Variants in MPO observed in about 807,000 individuals in gnomAD.
MPO encodes the protein myeloperoxidase.
In MPO, 57 loss-of-function variants were observed where a neutral mutation model predicts 69.4. The ratio of observed to expected loss-of-function variants is 0.82; its 90% CI spans 0.66 to 1.02. The LOEUF is 1.02. Among genes scored for constraint, MPO ranks in the 50% least tolerant of loss-of-function variants. The pLI, the probability that MPO is intolerant of heterozygous loss-of-function variation, is 0.00. For missense variants in MPO, 971 were observed against 1,014.1 expected, an observed-to-expected ratio of 0.96 and a Z score of 0.58; for synonymous variants, 426 against 417.1, an observed-to-expected ratio of 1.02 and a Z score of -0.26.
rs777313618 is a variant in MPO, at chr17:58,275,527, T to A, written c.1365+15A>T. On this transcript the variant is annotated intron_variant, in intron 8 of 11. Transcript: ENST00000225275. This position sits in a 1 kb window ranked among gnomAD's most constrained non-coding sequence, Gnocchi z 4.1. The stretch of plus-strand genomic sequence containing the variant: ...ACATCTGGATCCCGTGTGCCCGGTG[T>A]TCAAGACGGCCTACCTGGACCATGG... 4 of 1,613,976 alleles carry A rather than the reference T, an allele frequency of 2.5e-6. No homozygotes were observed. The highest frequency in any genetic ancestry group is 2.2e-5 in the South Asian group (2 of 91,094).
In MPO at chr17:58,274,347, AG is replaced by A. The variant is rs1970408588; in HGVS notation, c.1366-679del. On this transcript the variant is annotated intron_variant, in intron 8 of 11. Coordinates refer to ENST00000225275, the MANE Select transcript of MPO (RefSeq NM_000250.2). ...AAAACTCTCTCCTCCAGAATCTAGG[AG>A]TGTGTGTGTGTGTGTGTGTGTGTGT... The A allele has an allele frequency of 5.4e-5, 18 of 334,750 alleles. No homozygotes were observed. The East Asian group carries it at 1.6e-3, about 29-fold the overall frequency. The allele number at this position is 334,750 out of a possible 1,614,324, so 20.7% of individuals were successfully genotyped here. A position where few individuals can be genotyped will look rare whatever the true frequency, so the allele number is the denominator to read the frequency against.
Position 58,275,892 on chromosome 17 carries a change from T to C in MPO, c.1205-190A>G, listed in dbSNP as rs919788908. Reference sequence around the variant, plus strand: ...TCCCTGATGCCCCAGTCCACAATGATAGCTTCTGCCTCAGCTCAGGGCCGC... The same window carrying C: ...TCCCTGATGCCCCAGTCCACAATGACAGCTTCTGCCTCAGCTCAGGGCCGC... On this transcript the variant is annotated intron_variant, in intron 7 of 11. Transcript: ENST00000225275. This position sits in a 1 kb window ranked among gnomAD's most constrained non-coding sequence, Gnocchi z 4.1. 3.9e-5 allele frequency among the ~76,000 whole-genome samples: 6 copies of C among 152,340 alleles called. No homozygotes were observed. The highest frequency in any genetic ancestry group is 7.3e-5 in the Non-Finnish European group (5 of 68,030).
Position 58,275,800 on chromosome 17 carries a change from C to G in MPO, c.1205-98G>C, listed in dbSNP as rs1970429423. The G allele has an allele frequency of 1.5e-6, 2 of 1,365,108 alleles. No individual in the cohort carries two copies. Among genetic ancestry groups the G allele is most frequent in the Non-Finnish European group, 2.0e-6 (2 of 977,034 alleles). The allele number at this position is 1,365,108 out of a possible 1,614,324, so 84.6% of individuals were successfully genotyped here. ...TCCCCAGCCAAGGCCTGAAATGCCT[C>G]CTACTCACCCCTCCTCCCCATCCAT... On this transcript the variant is annotated intron_variant, in intron 7 of 11. Transcript: ENST00000225275. This position sits in a 1 kb window ranked among gnomAD's most constrained non-coding sequence, Gnocchi z 4.1.
intron 6 of MPO, 82 bp downstream of exon 6, chr17:58,278,926 C>A: frequency 4.7e-6 from 7 of 1,485,392 alleles, no homozygotes; most frequent in Non-Finnish European, 6.4e-6. Flanking sequence ...GGAAAGGAAA[C>A]CTGGGCACAG....
chr17:58,273,376 C>T, intron 9 of MPO, 38 bp downstream of exon 9: 1 of 1,613,934 alleles, frequency 6.2e-7, no homozygotes, highest in East Asian at 2.2e-5. Context: ...CCACCTTTAG[C>T]TGTCAGCCCA....
chr17:58,279,618 C>G lies in MPO; in HGVS notation c.453G>C (p.Val151=). The change falls in exon 4 of 12, where the codon GTG becomes GTC. Residue 151 remains valine (V), a synonymous_variant. Transcript: ENST00000225275. ...TDVLTPAQLN[V]LSKSSGCAYQ... ...AGGCGCAGCCGCTTGACTTGGACAACACATTCAGCTGGGCGGGCGTCAGCA... is the reference window on the plus strand; with the variant it reads ...AGGCGCAGCCGCTTGACTTGGACAAGACATTCAGCTGGGCGGGCGTCAGCA... 6.2e-7 allele frequency: 1 copy of G among 1,614,158 alleles called. No individual in the cohort carries two copies.
intron 10 of MPO, 28 bp downstream of exon 10, chr17:58,272,720 A>C (rs1276333674): frequency 1.2e-6 from 2 of 1,609,850 alleles, no homozygotes; most frequent in South Asian, 2.2e-5. Context: ...GGAGGTGAGC[A>C]TCAGGGGAGA....
intron 2 of MPO, 158 bp downstream of exon 2, chr17:58,280,208 T>C (rs1970498259): frequency 9.9e-7 from 1 of 1,012,020 alleles, no homozygotes; most frequent in East Asian, 2.6e-5. Flanking sequence ...TTTTAAGCTG[T>C]TCTCCCATCC....
chr17:58,275,461 G>A lies in MPO; in HGVS notation c.1365+81C>T, dbSNP rs772323727. 9 of 1,580,364 alleles carry A rather than the reference G, an allele frequency of 5.7e-6. No individual in the cohort carries two copies. In the African/African-American group the frequency reaches 1.2e-4, roughly 21 times the overall value. On this transcript the variant is annotated intron_variant, in intron 8 of 11. Coordinates refer to ENST00000225275, the MANE Select transcript of MPO (RefSeq NM_000250.2). This position sits in a 1 kb window ranked among gnomAD's most constrained non-coding sequence, Gnocchi z 4.1. ...AAGAAGGCAAGGCTCAGGAGCGTTA[G>A]GAACTTGCCCAAGGTCACACAGCTA...
chr17:58,271,475 C>A (rs534629389), intron 11 of MPO, among the ~76,000 whole-genome samples, 180 bp downstream of exon 11: 2 of 152,290 alleles, frequency 1.3e-5, no homozygotes, highest in Admixed American at 6.5e-5. Flanking sequence ...CCTTGCTGCA[C>A]CCCCAACAGG....
rs779260653 is a variant in MPO at position 58,271,740 on chromosome 17, C to G, written c.1945G>C (p.Glu649Gln). Residue 649 changes from glutamate (E) to glutamine (Q), a missense_variant, in exon 11 of 12, where the codon GAG becomes CAG. Glu to Gln is a conservative substitution (Grantham distance 29). Transcript: ENST00000225275. ...ACGCGGCCTTTGCGCTTCAGAGGCT[C>G]GGACACGCCGCCCATCCAGATGTCG... ...NIDIWMGGVS[E>Q]PLKRKGRVGP... 3.7e-6 allele frequency: 6 copies of G among 1,613,956 alleles called. No homozygotes were observed. Among genetic ancestry groups the G allele is most frequent in the Non-Finnish European group, 8.5e-7 (1 of 1,180,050 alleles).
intron 7 of MPO, among the ~76,000 whole-genome samples, chr17:58,277,503 G>A (rs1282944726): frequency 6.6e-6 from 1 of 152,184 alleles, no homozygotes; most frequent in Non-Finnish European, 1.5e-5. Context: ...TTAGTTCCCT[G>A]CCCCTGAGGG....
At chr17:58,278,422 C>A (rs1970466919) in intron 6 of MPO, among the ~76,000 whole-genome samples, 1 of 152,158 alleles carries the variant, frequency 6.6e-6, no homozygotes, top group African/African-American at 2.4e-5. Context: ...CCGTCTCTCT[C>A]CCCTTCTCTC....
rs1381469903 is a variant in MPO, at chr17:58,273,510, T to C, written c.1525A>G (p.Met509Val). Residue 509 changes from methionine to valine, a missense_variant, in exon 9 of 12, where the codon ATG becomes GTG. Coordinates refer to ENST00000225275, the MANE Select transcript of MPO (RefSeq NM_000250.2). ...TGGTACCGATTGTCCAGGCGGAACA[T>C]GAAGGGTTGGATGAGGGTGTGGCCG... ...RYGHTLIQPF[M>V]FRLDNRYQPM... 1.1e-5 allele frequency: 18 copies of C among 1,613,894 alleles called. No individual in the cohort carries two copies. Among genetic ancestry groups the C allele is most frequent in the Non-Finnish European group, 1.5e-5 (18 of 1,179,996 alleles).
intron 3 of MPO, 38 bp from the exon 4 acceptor site, chr17:58,279,684 T>C (rs1567829819): frequency 6.2e-7 from 1 of 1,613,916 alleles, no homozygotes; most frequent in African/African-American, 1.3e-5. Flanking sequence ...CTGAGCCGCC[T>C]CACTTCCTAT....
Position 58,277,952 on chromosome 17 carries a change from A to G in MPO, c.1079T>C (p.Leu360Pro). 1.2e-6 allele frequency: 2 copies of G among 1,613,556 alleles called. No homozygotes were observed. The highest frequency in any genetic ancestry group is 1.7e-6 in the Non-Finnish European group (2 of 1,180,040). The change falls in exon 7 of 12, where the codon CTG becomes CCG. Residue 360 changes from leucine to proline, a missense_variant. By Grantham distance (98) the Leu-to-Pro change is moderately conservative. Transcript: ENST00000225275. ...ARNLRNMSNQLGLLAVNQRFQ... is the reference protein window; with the variant it reads ...ARNLRNMSNQPGLLAVNQRFQ... ...GCGCTGGTTGACGGCCAGCAGCCCCAGCTGGTTGGACATGTTGCGCAGGTT... is the reference window on the plus strand; with the variant it reads ...GCGCTGGTTGACGGCCAGCAGCCCCGGCTGGTTGGACATGTTGCGCAGGTT...
Position 58,275,434 on chromosome 17 carries a change from TGAA to T in MPO, c.1365+105_1365+107del. ...ATTATAATCCTTACAGCCTCATGGA[TGAA>T]GAAGGCAAGGCTCAGGAGCGTTAGG... On this transcript the variant is annotated intron_variant, in intron 8 of 11. Transcript: ENST00000225275. This position sits in a 1 kb window ranked among gnomAD's most constrained non-coding sequence, Gnocchi z 4.1. The T allele has an allele frequency of 7.2e-7, 1 of 1,396,678 alleles. No individual in the cohort carries two copies. The highest frequency in any genetic ancestry group is 1.2e-5 in the South Asian group (1 of 85,142). 86.5% of individuals were successfully genotyped at this position (1,396,678 alleles called of 1,614,324 possible).
At chr17:58,273,062 C>T in intron 9 of MPO, 144 bp from the exon 10 acceptor site, 1 of 1,037,052 alleles carries the variant, frequency 9.6e-7, no homozygotes, top group Non-Finnish European at 1.4e-6. Flanking sequence ...AGGTGGTGGC[C>T]CCAGTGAGCA....
At position 58,273,452 on chromosome 17, in the gene MPO, C is replaced by A; in HGVS notation, c.1583G>T (p.Ser528Ile). ...CCTCCAGGAGGCAAAAAAGACCCTGCTGAGGGGGACACGGGGGTTGGGTTC... is the reference window on the plus strand; with the variant it reads ...CCTCCAGGAGGCAAAAAAGACCCTGATGAGGGGGACACGGGGGTTGGGTTC... The part of the protein sequence containing the change: ...PMEPNPRVPL[S>I]RVFFASWRVV... Residue 528 changes from serine to isoleucine, a missense_variant, in exon 9 of 12, where the codon AGC becomes ATC. Ser to Ile is a moderately radical substitution (Grantham distance 142). Coordinates refer to ENST00000225275, the MANE Select transcript of MPO (RefSeq NM_000250.2). 1 of 1,614,206 alleles carries A rather than the reference C, an allele frequency of 6.2e-7. No individual in the cohort carries two copies. Among genetic ancestry groups the A allele is most frequent in the Non-Finnish European group, 8.5e-7 (1 of 1,180,046 alleles).
Sources: allele counts gnomAD v4.1 joint callset (sites outside exome capture counted in the v4.1 genomes callset), GRCh38; gene constraint gnomAD v4.1.1; non-coding constraint Gnocchi (gnomAD v3.1); transcripts MANE v1.5; gene names NCBI Gene and HGNC (gene_info 2026-07-23, HGNC 2026-07-21).